The following PATZ1 variants were observed in gnomAD, a reference collection of about 807,000 sequenced individuals.
PATZ1 encodes the protein POZ/BTB and AT hook containing zinc finger 1.
A neutral mutation model predicts 46.2 loss-of-function variants in PATZ1; 9 were observed. That is an observed-to-expected ratio of 0.19 (90% CI 0.12 to 0.34). PATZ1 has a LOEUF of 0.34. Among genes scored for constraint, PATZ1 ranks in the 10% least tolerant of loss-of-function variants. The pLI is 1.00. For synonymous variants in PATZ1, 426 were observed against 378.6 expected, an observed-to-expected ratio of 1.13 and a Z score of -1.45; for missense variants, 632 against 923.0, an observed-to-expected ratio of 0.68 and a Z score of 4.08.
intron 2 of PATZ1, chr22:31,341,044 A>C: frequency 9.2e-7 from 1 of 1,085,062 alleles, no homozygotes; most frequent in Non-Finnish European, 1.1e-6. Context: ...TAGAAACCCC[A>C]GGCCTATGGG....
Position 31,344,619 on chromosome 22 carries a change from A to G in PATZ1, c.984T>C (p.Pro328=). Residue 328 remains proline, a synonymous_variant, in exon 1 of 5, where the codon CCT becomes CCC. Transcript: ENST00000266269. ...GTAGCCCATTCTCACCCAGCCTCGG[A>G]GGAGGAAGGTCGATGTAGCCCAGCT... The part of the protein sequence containing the change: ...SLQLGYIDLP[P]PRLGENGLPI... The G allele has an allele frequency of 6.2e-7, 1 of 1,614,022 alleles. No homozygotes were observed. The highest frequency in any genetic ancestry group is 8.5e-7 in the Non-Finnish European group (1 of 1,180,010).
At position 31,344,451 on chromosome 22, in the gene PATZ1, G is replaced by C; in HGVS notation, c.1152C>G (p.Ser384=). 1 of 1,614,250 alleles carries C rather than the reference G, an allele frequency of 6.2e-7. No individual in the cohort carries two copies. The highest frequency in any genetic ancestry group is 8.5e-7 in the Non-Finnish European group (1 of 1,180,040). Residue 384 remains serine (S), a synonymous_variant, in exon 1 of 5, where the codon TCC becomes TCG. Transcript: ENST00000266269. ...TGAACCGCAACCCACACACAGGGCA[G>C]GAGTAGGGCTTCTCCCCAGAGTGGG... ...KLSHSGEKPY[S]CPVCGLRFKR... is the part of the protein sequence containing the mutation.
In PATZ1 at chr22:31,327,812, C is replaced by T. The variant is rs1464550995; in HGVS notation, c.1646-503G>A. ...CAACCTGGGTAGACCCCATCAATGG[C>T]TCAGACAGAAGCCAATCCTTTTCCT... On this transcript the variant is annotated intron_variant, in intron 4 of 4. Coordinates refer to ENST00000266269, the MANE Select transcript of PATZ1 (RefSeq NM_014323.3). The surrounding 1 kb of genome is among the most constrained non-coding windows in gnomAD (Gnocchi z 4.2). Among the ~76,000 whole-genome samples the T allele has an allele frequency of 2.0e-5, 3 of 152,224 alleles. No homozygotes were observed. The highest frequency in any genetic ancestry group is 7.2e-5 in the African/African-American group (3 of 41,446).
Position 31,345,732 on chromosome 22 carries a change from C to G in PATZ1, c.-130G>C, listed in dbSNP as rs1239161563. ...ACGTGCCGGCCCGAGGCTCTGTAGT[C>G]TCGCAGGTGCGCCGAGTGTACACGC... On this transcript the variant is annotated 5_prime_UTR_variant, in exon 1 of 5. Transcript: ENST00000266269. This position sits in a 1 kb window ranked among gnomAD's most constrained non-coding sequence, Gnocchi z 7.4. 1.1e-6 allele frequency: 1 copy of G among 934,038 alleles called. No homozygotes were observed. Among genetic ancestry groups the G allele is most frequent in the East Asian group, 2.7e-5 (1 of 36,640 alleles). The allele number at this position is 934,038 out of a possible 1,614,324, so 57.9% of individuals were successfully genotyped here.
Position 31,335,704 on chromosome 22 carries a change from T to C in PATZ1, c.1495A>G (p.Ile499Val). The C allele has an allele frequency of 6.2e-7, 1 of 1,613,950 alleles. No homozygotes were observed. The highest frequency in any genetic ancestry group is 8.5e-7 in the Non-Finnish European group (1 of 1,179,900). Residue 499 changes from isoleucine (I) to valine (V), a missense_variant, in exon 3 of 5, where the codon ATC becomes GTC. Transcript: ENST00000266269. ...GTGGGCAGATTACCTCGGTTACAGA[T>C]ACTGCAGAAGTTGCTGGGCCCCTCG... ...HSEGPSNFCS[I>V]CNRGFSSASY...
At chr22:31,344,305 G>C (rs916202091) in intron 1 of PATZ1, 27 bp downstream of exon 1, 1 of 1,562,298 alleles carries the variant, frequency 6.4e-7, no homozygotes, top group Non-Finnish European at 8.7e-7. Context: ...ACGTGTGGCA[G>C]GGGAGGAAGA....
At position 31,344,480 on chromosome 22, in the gene PATZ1, G is replaced by A. The variant is rs762958946; in HGVS notation, c.1123C>T (p.Leu375=). 1 of 1,614,236 alleles carries A rather than the reference G, an allele frequency of 6.2e-7. No individual in the cohort carries two copies. The highest frequency in any genetic ancestry group is 8.5e-7 in the Non-Finnish European group (1 of 1,180,044). ...RDVYHLNRHK[L]SHSGEKPYSC... ...TAGGGCTTCTCCCCAGAGTGGGACA[G>A]CTTGTGCCGGTTAAGATGATACACA... The change falls in exon 1 of 5, where the codon CTG becomes TTG. Residue 375 remains leucine (L), a synonymous_variant. Transcript: ENST00000266269.
At chr22:31,335,440 G>T in intron 3 of PATZ1, 4 of 458,352 alleles carry the variant, frequency 8.7e-6, no homozygotes, top group African/African-American at 5.9e-5. Flanking sequence ...GCCCAAGCTT[G>T]GGAAGAACCT....
At position 31,344,909 on chromosome 22, in the gene PATZ1, C is replaced by T; in HGVS notation, c.694G>A (p.Val232Met). ...GQASLPVLPG[V>M]DRLPMVAGPL... is the part of the protein sequence containing the mutation. ...CCAGCCACCATGGGCAAGCGGTCCACCCCAGGTAACACAGGCAAAGAGGCT... is the reference window on the plus strand; with the variant it reads ...CCAGCCACCATGGGCAAGCGGTCCATCCCAGGTAACACAGGCAAAGAGGCT... The change falls in exon 1 of 5, where the codon GTG (valine) becomes ATG (methionine). Residue 232 changes from valine to methionine, a missense_variant. Val to Met is a conservative substitution (Grantham distance 21). Transcript: ENST00000266269. The T allele has an allele frequency of 6.2e-7, 1 of 1,613,428 alleles. No homozygotes were observed. The highest frequency in any genetic ancestry group is 8.5e-7 in the Non-Finnish European group (1 of 1,180,020).
At position 31,343,095 on chromosome 22, in the gene PATZ1, CAA is replaced by C. The variant is rs933994805; in HGVS notation, c.1272-137_1272-136del. 20 of 1,458,204 alleles carry C rather than the reference CAA, an allele frequency of 1.4e-5. No homozygotes were observed. In the African/African-American group the frequency reaches 2.7e-4, roughly 20 times the overall value. 90.3% of individuals were successfully genotyped at this position (1,458,204 alleles called of 1,614,324 possible). A position where few individuals can be genotyped will look rare whatever the true frequency, so the allele number is the denominator to read the frequency against. ...CTCCCTCTCCCCAACCCCAGCATGA[CAA>C]AGACAAAGTCACCACCCAGTTCTGG... On this transcript the variant is annotated intron_variant, in intron 1 of 4. Coordinates refer to ENST00000266269, the MANE Select transcript of PATZ1 (RefSeq NM_014323.3).
At position 31,338,582 on chromosome 22, in the gene PATZ1, C is replaced by G. The variant is rs542792270; in HGVS notation, c.1336-2719G>C. On this transcript the variant is annotated intron_variant, in intron 2 of 4. Transcript: ENST00000266269. The stretch of plus-strand genomic sequence containing the variant: ...CTACACAGCCCAGCAGTCTCTAAAC[C>G]AGAGCAGGGGCTGCATAAACACCCC... 5.3e-5 allele frequency among the ~76,000 whole-genome samples: 8 copies of G among 152,304 alleles called. No individual in the cohort carries two copies. The East Asian group carries it at 1.5e-3, about 29-fold the overall frequency.
In PATZ1 at chr22:31,326,931, G is replaced by A; in HGVS notation, c.2024C>T (p.Pro675Leu). The change falls in exon 5 of 5, where the codon CCT becomes CTT. Residue 675 changes from proline to leucine, a missense_variant. Physicochemically the swap from Pro to Leu is moderately conservative, Grantham distance 98. Around this residue, in one of 7 missense-constraint regions of PATZ1, gnomAD observed 176 missense variants for 249.4 expected, o/e 0.71. Transcript: ENST00000266269. ...CCCCATGGGCTGCTGGTCAACCTCA[G>A]GATCTACTAAAGATGACGCAAATGC... ...QSAFASSLVD[P>L]EVDQQPMGPE... is the part of the protein sequence containing the mutation. 1 of 1,614,144 alleles carries A rather than the reference G, an allele frequency of 6.2e-7. No individual in the cohort carries two copies. Among genetic ancestry groups the A allele is most frequent in the Non-Finnish European group, 8.5e-7 (1 of 1,180,032 alleles).
At position 31,327,313 on chromosome 22, in the gene PATZ1, C is replaced by T. The variant is rs181922158; in HGVS notation, c.1646-4G>A. The T allele has an allele frequency of 9.9e-6, 16 of 1,609,322 alleles. No individual in the cohort carries two copies. Among genetic ancestry groups the T allele is most frequent in the Admixed American group, 5.1e-5 (3 of 59,250 alleles). On this transcript the variant is annotated splice_region_variant and splice_polypyrimidine_tract_variant and intron_variant, in intron 4 of 4. Coordinates refer to ENST00000266269, the MANE Select transcript of PATZ1 (RefSeq NM_014323.3). This position sits in a 1 kb window ranked among gnomAD's most constrained non-coding sequence, Gnocchi z 4.2. ...TGATGTGAGCATTTCTGGCCTTCTA[C>T]GAAAAAACAAAATATAGGAGAGCGA...
intron 2 of PATZ1, 41 bp from the exon 3 acceptor site, chr22:31,335,904 AC>A: frequency 6.3e-7 from 1 of 1,578,752 alleles, no homozygotes. Flanking sequence ...GAAACCCAGC[AC>A]CCCACACCTG....
rs1427267241 is a variant in PATZ1 at position 31,326,800 on chromosome 22, G to C, written c.*91C>G. 2.6e-6 allele frequency: 3 copies of C among 1,169,844 alleles called. No individual in the cohort carries two copies. Among genetic ancestry groups the C allele is most frequent in the East Asian group, 5.0e-5 (2 of 39,832 alleles). 72.5% of individuals were successfully genotyped at this position (1,169,844 alleles called of 1,614,324 possible). On this transcript the variant is annotated 3_prime_UTR_variant, in exon 5 of 5. Transcript: ENST00000266269. ...GTTAAAAATGAATAAAAATCTCTCA[G>C]CTACAGAACCCAAACATCACTTCCC...
At chr22:31,333,834 T>C (rs1349199357) in intron 3 of PATZ1, among the ~76,000 whole-genome samples, 1 of 152,246 alleles carries the variant, frequency 6.6e-6, no homozygotes, top group Non-Finnish European at 1.5e-5. Flanking sequence ...ACAATAGTTG[T>C]TGGCTTTGCC....
intron 3 of PATZ1, among the ~76,000 whole-genome samples, chr22:31,333,244 TG>T (rs1369708280): frequency 2.0e-5 from 3 of 152,194 alleles, no homozygotes; most frequent in African/African-American, 7.2e-5. Flanking sequence ...TAAGAATTGT[TG>T]GGATTGAAGG....
intron 1 of PATZ1, chr22:31,343,499 C>T: frequency 1.1e-6 from 1 of 942,288 alleles, no homozygotes; most frequent in Non-Finnish European, 1.3e-6. Flanking sequence ...GCAGGGGCTG[C>T]CTGACCGGTA....
intron 2 of PATZ1, among the ~76,000 whole-genome samples, chr22:31,340,021 C>T (rs765942815): frequency 1.3e-5 from 2 of 152,224 alleles, no homozygotes; most frequent in Admixed American, 6.5e-5. Context: ...CCCATCTCAA[C>T]GCATTCCTTC....
Sources: gnomAD v4.1 joint callset for allele counts (sites outside exome capture counted in the v4.1 genomes callset) on GRCh38, gnomAD v4.1.1 for gene constraint, gnomAD v4.1.1 regional missense constraint, Gnocchi (gnomAD v3.1) non-coding constraint, MANE v1.5 for transcripts, NCBI Gene and HGNC (gene_info 2026-07-23, HGNC 2026-07-21) for gene names.